SLC44A1: variants seen among roughly 807,000 people sequenced by gnomAD.
SLC44A1 encodes the protein choline transporter-like protein 1.
SLC44A1 carries 26 observed loss-of-function variants against 79.3 expected under a neutral mutation model. That is an observed-to-expected ratio of 0.33 (90% CI 0.24 to 0.46). The LOEUF is 0.46. Among genes scored for constraint, SLC44A1 ranks in the 20% least tolerant of loss-of-function variants. The probability of loss-of-function intolerance (pLI) is 1.00; values close to 1 mark genes in which losing one functional copy is unlikely to be tolerated. For missense variants in SLC44A1, 688 were observed against 798.1 expected (o/e 0.86, Z 1.66); for synonymous variants, 263 against 286.2 (o/e 0.92, Z 0.82).
At chr9:105,373,663 C>G (rs1828185230) in intron 12 of SLC44A1, among the ~76,000 whole-genome samples, 1 of 152,176 alleles carries the variant, frequency 6.6e-6, no homozygotes, top group Non-Finnish European at 1.5e-5. Flanking sequence ...AATGTCCCAA[C>G]TGTCACCAGG....
intron 3 of SLC44A1, among the ~76,000 whole-genome samples, chr9:105,310,787 C>G (rs1212474013): frequency 1.3e-5 from 2 of 152,148 alleles, no homozygotes; most frequent in Non-Finnish European, 2.9e-5. Context: ...GATAATGTCA[C>G]AAACCTGAAG....
Position 105,358,426 on chromosome 9 carries a change from T to A in SLC44A1, c.753T>A (p.Gly251=). Reference sequence around the variant, plus strand: ...TCTTAACGATTCTGGTCATACTCGGTTCACTTGGTAAGCTATTTATTTCTT... The same window carrying A: ...TCTTAACGATTCTGGTCATACTCGGATCACTTGGTAAGCTATTTATTTCTT... ...VWILTILVIL[G]SLGGTGVLWW... Residue 251 remains glycine (G), a synonymous_variant, in exon 7 of 16, where the codon GGT becomes GGA. Coordinates refer to ENST00000374720, the MANE Select transcript of SLC44A1 (RefSeq NM_080546.5). 1 of 1,562,412 alleles carries A rather than the reference T, an allele frequency of 6.4e-7. No individual in the cohort carries two copies. Among genetic ancestry groups the A allele is most frequent in the Non-Finnish European group, 8.8e-7 (1 of 1,133,810 alleles).
At chr9:105,300,034 G>A in intron 2 of SLC44A1, 2 of 707,246 alleles carry the variant, frequency 2.8e-6, no homozygotes, top group Non-Finnish European at 3.5e-6. Flanking sequence ...CCAGTGTGCT[G>A]GGCTGGAAAA....
chr9:105,348,890 T>C (rs1827320692), intron 5 of SLC44A1, among the ~76,000 whole-genome samples: 2 of 152,292 alleles, frequency 1.3e-5, no homozygotes, highest in South Asian at 4.1e-4. Context: ...TTATTCCCCA[T>C]AGTTTCTTTC....
rs567288543 is a variant in SLC44A1, at chr9:105,322,865, A to G, written c.270-12698A>G. Among the ~76,000 whole-genome samples, 43 of 152,286 alleles carry G rather than the reference A, an allele frequency of 2.8e-4. 1 individual carries two copies. The highest frequency in any genetic ancestry group is 8.7e-4 in the African/African-American group (36 of 41,548). On this transcript the variant is annotated intron_variant, in intron 3 of 15. Transcript: ENST00000374720. ...GGTTGTTATATTTTGTATAATTTCA[A>G]TATTATAAATGAATATTATACTTTG...
chr9:105,431,051 G>A (rs997990488), intron 15 of SLC44A1, among the ~76,000 whole-genome samples: 1 of 152,144 alleles, frequency 6.6e-6, no homozygotes, highest in Admixed American at 6.5e-5. Flanking sequence ...ACATTCATAT[G>A]ATGAAGTCAA....
chr9:105,266,731 G>GTGA (rs1266028323), intron 1 of SLC44A1, among the ~76,000 whole-genome samples: 1 of 152,114 alleles, frequency 6.6e-6, no homozygotes, highest in Non-Finnish European at 1.5e-5. Flanking sequence ...ATTGAAATCA[G>GTGA]GTTATGTGAG....
intron 4 of SLC44A1, among the ~76,000 whole-genome samples, chr9:105,336,634 C>T (rs1449324788): frequency 2.0e-5 from 3 of 152,162 alleles, no homozygotes; most frequent in African/African-American, 2.4e-5. Flanking sequence ...GAACAAGGAA[C>T]GACCCAGGTA....
chr9:105,424,947 T>TAAAAA (rs1829300674), intron 15 of SLC44A1, among the ~76,000 whole-genome samples: 1 of 113,930 alleles, frequency 8.8e-6, no homozygotes, highest in African/African-American at 5.4e-5. Context: ...AGACTCCATC[T>TAAAAA]CAAAAAAAAA....
At chr9:105,341,142 C>T (rs1827074074) in intron 4 of SLC44A1, among the ~76,000 whole-genome samples, 1 of 152,048 alleles carries the variant, frequency 6.6e-6, no homozygotes, top group Admixed American at 6.5e-5. Context: ...CAAGACCAGC[C>T]TGGCCAACAT....
intron 1 of SLC44A1, among the ~76,000 whole-genome samples, chr9:105,251,370 G>C (rs573115319): frequency 6.6e-6 from 1 of 152,152 alleles, no homozygotes; most frequent in East Asian, 1.9e-4. Context: ...CCAGCACTCC[G>C]GTTCAAGCCT....
At chr9:105,249,693 T>A (rs77088111) in intron 1 of SLC44A1, among the ~76,000 whole-genome samples, 1 of 144,924 alleles carries the variant, frequency 6.9e-6, no homozygotes, top group Non-Finnish European at 1.5e-5. Flanking sequence ...CCCAGCTAAT[T>A]TTTTTTTTTT....
chr9:105,305,633 C>T (rs1383361193), intron 2 of SLC44A1, among the ~76,000 whole-genome samples: 2 of 152,082 alleles, frequency 1.3e-5, no homozygotes, highest in Non-Finnish European at 2.9e-5. Flanking sequence ...ATTAATTCCA[C>T]AGGAGAGGGC....
At chr9:105,281,560 G>A (rs984500970) in intron 1 of SLC44A1, among the ~76,000 whole-genome samples, 4 of 152,194 alleles carry the variant, frequency 2.6e-5, no homozygotes, top group Admixed American at 1.3e-4. Flanking sequence ...TACGGGCCAG[G>A]CAGACATGAT....
At position 105,389,300 on chromosome 9, in the gene SLC44A1, T is replaced by G; in HGVS notation, c.*244T>G. On this transcript the variant is annotated 3_prime_UTR_variant, in exon 16 of 16. Transcript: ENST00000374720. ...ATACGGGTGGCTTTTACAAGGCAACTTCCGTCATTTAATGTTTTCAACTGT... is the reference window on the plus strand; with the variant it reads ...ATACGGGTGGCTTTTACAAGGCAACGTCCGTCATTTAATGTTTTCAACTGT... 8.4e-7 allele frequency: 1 copy of G among 1,196,314 alleles called. No homozygotes were observed. The highest frequency in any genetic ancestry group is 3.6e-5 in the East Asian group (1 of 28,144). 74.1% of individuals were successfully genotyped at this position (1,196,314 alleles called of 1,614,324 possible). A position where few individuals can be genotyped will look rare whatever the true frequency, so the allele number is the denominator to read the frequency against.
At chr9:105,410,367 C>G (rs1228659371) in intron 15 of SLC44A1, among the ~76,000 whole-genome samples, 1 of 152,180 alleles carries the variant, frequency 6.6e-6, no homozygotes, top group Non-Finnish European at 1.5e-5. Context: ...ATGTGAACAA[C>G]TCTTACTACT....
chr9:105,320,182 C>T (rs1213251737), intron 3 of SLC44A1, among the ~76,000 whole-genome samples: 1 of 151,970 alleles, frequency 6.6e-6, no homozygotes, highest in Non-Finnish European at 1.5e-5. Flanking sequence ...TTGTTAAATA[C>T]ATCAGTGGTT....
intron 1 of SLC44A1, among the ~76,000 whole-genome samples, chr9:105,290,095 C>T (rs1474397787): frequency 2.0e-5 from 3 of 152,134 alleles, no homozygotes; most frequent in African/African-American, 7.2e-5. Context: ...GGATTACAGG[C>T]GTGAGCCACC....
At chr9:105,319,625 T>C (rs1229910494) in intron 3 of SLC44A1, among the ~76,000 whole-genome samples, 1 of 152,202 alleles carries the variant, frequency 6.6e-6, no homozygotes. Context: ...CCACCCTAAA[T>C]AGTATGTGGA....
Sources: allele counts gnomAD v4.1 joint callset (sites outside exome capture counted in the v4.1 genomes callset), GRCh38; gene constraint gnomAD v4.1.1; transcripts MANE v1.5; gene names NCBI Gene and HGNC (gene_info 2026-07-23, HGNC 2026-07-21).